THEMIS: variants seen among roughly 807,000 people sequenced by gnomAD.
THEMIS encodes thymocyte selection associated.
THEMIS carries 37 observed loss-of-function variants against 52.6 expected under a neutral mutation model. That is an observed-to-expected ratio of 0.70 (90% CI 0.54 to 0.93). The LOEUF (loss-of-function observed/expected upper bound fraction) is 0.93, where lower values mean the gene tolerates loss of function less well. Among genes scored for constraint, THEMIS ranks in the 40% least tolerant of loss-of-function variants. The pLI, the probability that THEMIS is intolerant of heterozygous loss-of-function variation, is 0.00. For missense variants in THEMIS, 808 were observed against 763.1 expected, an observed-to-expected ratio of 1.06 and a Z score of -0.69; for synonymous variants, 292 against 272.7, an observed-to-expected ratio of 1.07 and a Z score of -0.70.
At chr6:127,841,366 T>C (rs1163054308) in intron 2 of THEMIS, among the ~76,000 whole-genome samples, 1 of 152,050 alleles carries the variant, frequency 6.6e-6, no homozygotes, top group Non-Finnish European at 1.5e-5. Context: ...GTTCCTCTCA[T>C]GAGAATCCTT....
intron 5 of THEMIS, among the ~76,000 whole-genome samples, chr6:127,710,707 A>T (rs1051760491): frequency 7.2e-5 from 11 of 151,980 alleles, no homozygotes; most frequent in African/African-American, 2.7e-4. Context: ...AAGACACTTT[A>T]TTCCTTTCTA....
intron 2 of THEMIS, among the ~76,000 whole-genome samples, chr6:127,845,523 G>T (rs149431356): frequency 1.3e-5 from 2 of 151,682 alleles, no homozygotes; most frequent in East Asian, 3.9e-4. Flanking sequence ...CTGTAATCAC[G>T]AAAAAATAAT....
At chr6:127,900,712 C>T in intron 1 of THEMIS, 130 bp downstream of exon 1, 1 of 795,764 alleles carries the variant, frequency 1.3e-6, no homozygotes, top group South Asian at 1.6e-5. Context: ...CAGTTCATTA[C>T]TTTCTTTTGT....
intron 4 of THEMIS, among the ~76,000 whole-genome samples, chr6:127,756,761 G>A (rs12110839): frequency 0.026 from 3,959 of 152,214 alleles, 187 homozygotes; most frequent in African/African-American, 0.091. Context: ...ACTCCAAAAT[G>A]CAACTAGTTT....
intron 2 of THEMIS, among the ~76,000 whole-genome samples, chr6:127,838,109 T>TTTA (rs1778931072): frequency 6.6e-6 from 1 of 152,070 alleles, no homozygotes; most frequent in African/African-American, 2.4e-5. Flanking sequence ...CAAGACTAAA[T>TTTA]GTACCTGTGT....
chr6:127,830,144 A>C (rs376173058), intron 2 of THEMIS, among the ~76,000 whole-genome samples: 8 of 152,192 alleles, frequency 5.3e-5, no homozygotes, highest in Admixed American at 2.0e-4. Flanking sequence ...AAGACCAGAC[A>C]ATACAAATGG....
chr6:127,755,831 A>T (rs1282500300), intron 4 of THEMIS, among the ~76,000 whole-genome samples: 2 of 152,232 alleles, frequency 1.3e-5, no homozygotes, highest in South Asian at 2.1e-4. Flanking sequence ...GTTCAAGACC[A>T]GCCTGGCCAA....
chr6:127,714,812 GA>G (rs1282744067), intron 5 of THEMIS, among the ~76,000 whole-genome samples: 2 of 151,816 alleles, frequency 1.3e-5, no homozygotes, highest in African/African-American at 4.8e-5. Flanking sequence ...AGAGTAAAAA[GA>G]AAAGAAAAAG....
intron 1 of THEMIS, among the ~76,000 whole-genome samples, chr6:127,912,575 C>T (rs910804184): frequency 3.3e-5 from 5 of 152,110 alleles, no homozygotes; most frequent in African/African-American, 7.2e-5. Flanking sequence ...TTGTTATTTC[C>T]AAGCTTCCAT....
intron 4 of THEMIS, among the ~76,000 whole-genome samples, chr6:127,785,569 G>C (rs1776921073): frequency 6.6e-6 from 1 of 151,198 alleles, no homozygotes; most frequent in African/African-American, 2.4e-5. Context: ...ATCTTATTTG[G>C]TTTAATCTTT....
At chr6:127,744,872 G>C (rs1775333837) in intron 4 of THEMIS, among the ~76,000 whole-genome samples, 1 of 151,602 alleles carries the variant, frequency 6.6e-6, no homozygotes, top group African/African-American at 2.4e-5. Flanking sequence ...TTAGCAAAAA[G>C]ATTCAAGGAG....
intron 4 of THEMIS, among the ~76,000 whole-genome samples, chr6:127,721,738 C>T (rs965656281): frequency 6.6e-6 from 1 of 151,982 alleles, no homozygotes; most frequent in African/African-American, 2.4e-5. Context: ...CAGATTTCAG[C>T]ATCCAACTAC....
chr6:127,762,497 A>G (rs1776056657), intron 4 of THEMIS, among the ~76,000 whole-genome samples: 1 of 152,046 alleles, frequency 6.6e-6, no homozygotes, highest in Admixed American at 6.6e-5. Flanking sequence ...TTCCTTATGC[A>G]CTCTGGCTCT....
At chr6:127,869,136 G>T (rs1780075358) in intron 1 of THEMIS, among the ~76,000 whole-genome samples, 1 of 152,136 alleles carries the variant, frequency 6.6e-6, no homozygotes, top group Non-Finnish European at 1.5e-5. Flanking sequence ...TATTCAATGA[G>T]TATTGATATT....
chr6:127,858,218 C>A (rs917180153), intron 1 of THEMIS, among the ~76,000 whole-genome samples: 90 of 152,138 alleles, frequency 5.9e-4, no homozygotes, highest in African/African-American at 2.1e-3. Context: ...GTCTTGGTCA[C>A]CACAAGAAAA....
At chr6:127,778,992 T>A (rs12193548) in intron 4 of THEMIS, among the ~76,000 whole-genome samples, 1 of 152,120 alleles carries the variant, frequency 6.6e-6, no homozygotes. Context: ...ATGTGTTATA[T>A]CTGCAGGATG....
chr6:127,827,069 TTC>T (rs1007872454), intron 3 of THEMIS, among the ~76,000 whole-genome samples: 8 of 152,002 alleles, frequency 5.3e-5, no homozygotes, highest in African/African-American at 7.2e-5. Context: ...CTCCCTGTAG[TTC>T]TCAGTATTTT....
intron 1 of THEMIS, among the ~76,000 whole-genome samples, chr6:127,886,191 C>T (rs1262802419): frequency 6.6e-6 from 1 of 152,232 alleles, no homozygotes; most frequent in East Asian, 1.9e-4. Flanking sequence ...TCACTTCTCC[C>T]AAGTAGAGAC....
intron 5 of THEMIS, among the ~76,000 whole-genome samples, chr6:127,714,991 G>A (rs957458826): frequency 6.6e-6 from 1 of 151,856 alleles, no homozygotes; most frequent in African/African-American, 2.4e-5. Context: ...AAGAAGAGGG[G>A]CCAGGTTGTC....
Sources: gnomAD v4.1 joint callset for allele counts (sites outside exome capture counted in the v4.1 genomes callset) on GRCh38, gnomAD v4.1.1 for gene constraint, MANE v1.5 for transcripts, NCBI Gene and HGNC (gene_info 2026-07-23, HGNC 2026-07-21) for gene names.